The following SHOC1 variants were observed in gnomAD, a reference collection of about 807,000 sequenced individuals.
The protein encoded by SHOC1 is shortage in chiasmata 1.
SHOC1 carries 136 observed loss-of-function variants against 179.2 expected under a neutral mutation model. The ratio of observed to expected loss-of-function variants is 0.76; its 90% CI spans 0.66 to 0.87. The LOEUF (loss-of-function observed/expected upper bound fraction) is 0.87. Ranked by LOEUF, SHOC1 falls within the 40% of genes least tolerant of loss-of-function variation. SHOC1 has a pLI of 0.00. For missense variants in SHOC1, 1,538 were observed against 1,700.8 expected, an observed-to-expected ratio of 0.90 and a Z score of 1.68; for synonymous variants, 489 against 586.6, an observed-to-expected ratio of 0.83 and a Z score of 2.41.
intron 13 of SHOC1, among the ~76,000 whole-genome samples, chr9:111,725,954 G>T (rs376782467): frequency 6.6e-6 from 1 of 152,052 alleles, no homozygotes; most frequent in East Asian, 1.9e-4. Context: ...GCAACCAGAA[G>T]ATGTCAGTGT....
At chr9:111,793,455 A>G (rs918772919) in intron 1 of SHOC1, among the ~76,000 whole-genome samples, 13 of 152,182 alleles carry the variant, frequency 8.5e-5, no homozygotes, top group African/African-American at 2.9e-4. Context: ...CTAAATATGT[A>G]CTACTTAATA....
intron 24 of SHOC1, among the ~76,000 whole-genome samples, chr9:111,697,259 G>A (rs959497997): frequency 6.6e-6 from 1 of 150,672 alleles, no homozygotes; most frequent in Non-Finnish European, 1.5e-5. Flanking sequence ...TGTTATATAT[G>A]TATACATGTG....
intron 8 of SHOC1, among the ~76,000 whole-genome samples, chr9:111,749,786 G>C (rs1834487245): frequency 6.6e-6 from 1 of 152,094 alleles, no homozygotes; most frequent in South Asian, 2.1e-4. Context: ...TTGGCTTTCT[G>C]TTCCTGCATT....
chr9:111,710,930 A>G (rs1832515975), intron 18 of SHOC1, among the ~76,000 whole-genome samples: 1 of 152,158 alleles, frequency 6.6e-6, no homozygotes, highest in South Asian at 2.1e-4. Context: ...CAGCTTATAG[A>G]GGGAAGAGAA....
At chr9:111,730,266 T>A (rs1833505455) in intron 12 of SHOC1, among the ~76,000 whole-genome samples, 2 of 152,178 alleles carry the variant, frequency 1.3e-5, no homozygotes, top group Non-Finnish European at 2.9e-5. Context: ...TTTGGCCTCC[T>A]CCCAAGAATA....
Position 111,691,762 on chromosome 9 carries a change from A to C in SHOC1, c.4215T>G (p.Ser1405=), listed in dbSNP as rs1415903247. 3 of 1,614,036 alleles carry C rather than the reference A, an allele frequency of 1.9e-6. No homozygotes were observed. Among genetic ancestry groups the C allele is most frequent in the Non-Finnish European group, 1.7e-6 (2 of 1,179,968 alleles). Residue 1405 remains serine (S), a synonymous_variant, in exon 27 of 28, where the codon TCT becomes TCG. Coordinates refer to ENST00000682961, the MANE Select transcript of SHOC1 (RefSeq NM_001378211.1). ...TTGAACTTTCACATGTGAGGCCTTC[A>C]GACTCATCTGATAGACATTTTTGCT... ...TDQQKCLSDE[S]EGLTCESSKD...
Position 111,775,950 on chromosome 9 carries a change from G to T in SHOC1, c.283C>A (p.Gln95Lys), listed in dbSNP as rs1242938533. 1 of 1,612,542 alleles carries T rather than the reference G, an allele frequency of 6.2e-7. No homozygotes were observed. Among genetic ancestry groups the T allele is most frequent in the South Asian group, 1.1e-5 (1 of 90,680 alleles). Residue 95 changes from glutamine to lysine, a missense_variant, in exon 5 of 28, where the codon CAG becomes AAG. Transcript: ENST00000682961. The part of the protein sequence containing the change: ...EKKTITRMVT[Q>K]INCEFEEVVP... ...ACTTCCTCAAATTCACAATTAATCT[G>T]GGTCACCATTCTTGTAATTGTTTTT...
intron 23 of SHOC1, among the ~76,000 whole-genome samples, chr9:111,700,555 T>C (rs1831921724): frequency 6.6e-6 from 1 of 151,060 alleles, no homozygotes; most frequent in African/African-American, 2.5e-5. Context: ...ACCCACTTTA[T>C]GTACCCTAAG....
At position 111,758,151 on chromosome 9, in the gene SHOC1, T is replaced by G; in HGVS notation, c.641A>C (p.Glu214Ala). ...LQETLEAFVK[E>A]DFCMDKVNFC... The stretch of plus-strand genomic sequence containing the variant: ...GTTCACTTTATCCATACAAAAATCT[T>G]CTTTCACAAAAGCTTCCAAAGTTTC... The change falls in exon 7 of 28, where the codon GAA becomes GCA. Residue 214 changes from glutamate (E) to alanine (A), a missense_variant. Coordinates refer to ENST00000682961, the MANE Select transcript of SHOC1 (RefSeq NM_001378211.1). The G allele has an allele frequency of 6.3e-7, 1 of 1,589,406 alleles. No individual in the cohort carries two copies. Among genetic ancestry groups the G allele is most frequent in the Non-Finnish European group, 8.6e-7 (1 of 1,167,256 alleles).
chr9:111,692,652 T>C, intron 26 of SHOC1, 141 bp from the exon 27 acceptor site: 1 of 503,438 alleles, frequency 2.0e-6, no homozygotes, highest in Non-Finnish European at 3.4e-6. Flanking sequence ...GAACATGAAA[T>C]CATTAGGCTC....
At chr9:111,721,972 GTATTTTA>G (rs1348382869) in intron 15 of SHOC1, among the ~76,000 whole-genome samples, 1 of 152,106 alleles carries the variant, frequency 6.6e-6, no homozygotes, top group Non-Finnish European at 1.5e-5. Context: ...CTGGTTTAAT[GTATTTTA>G]TCTTTGTCTT....
chr9:111,709,510 T>G (rs1832433796), intron 18 of SHOC1, among the ~76,000 whole-genome samples: 1 of 152,180 alleles, frequency 6.6e-6, no homozygotes, highest in Admixed American at 6.5e-5. Context: ...ATAAAAGCCT[T>G]GCTTCCAGAA....
intron 3 of SHOC1, among the ~76,000 whole-genome samples, chr9:111,782,964 A>G (rs1235424579): frequency 6.6e-6 from 1 of 152,180 alleles, no homozygotes; most frequent in African/African-American, 2.4e-5. Flanking sequence ...GGGAAGAATT[A>G]TTTTAGTTCC....
chr9:111,768,807 AG>A (rs1420065153), intron 5 of SHOC1, among the ~76,000 whole-genome samples: 1 of 152,226 alleles, frequency 6.6e-6, no homozygotes, highest in Non-Finnish European at 1.5e-5. Context: ...GTTGAATAAA[AG>A]TGCTGAAAAT....
intron 27 of SHOC1, among the ~76,000 whole-genome samples, chr9:111,688,040 G>C (rs1564098077): frequency 6.6e-6 from 1 of 152,118 alleles, no homozygotes; most frequent in African/African-American, 2.4e-5. Flanking sequence ...AATGACGACA[G>C]GACCTTGGTT....
chr9:111,769,975 G>GTTTGTT lies in SHOC1; in HGVS notation c.442+5815_442+5816insAACAAA, dbSNP rs1564161086. 2.6e-4 allele frequency among the ~76,000 whole-genome samples: 23 copies of GTTTGTT among 87,768 alleles called. 2 individuals are homozygous for GTTTGTT. The highest frequency in any genetic ancestry group is 6.5e-4 in the Admixed American group (6 of 9,228). The allele number at this position is 87,768 out of a possible 152,430, so 57.6% of individuals were successfully genotyped here. A position where few individuals can be genotyped will look rare whatever the true frequency, so the allele number is the denominator to read the frequency against. On this transcript the variant is annotated intron_variant, in intron 5 of 27. Coordinates refer to ENST00000682961, the MANE Select transcript of SHOC1 (RefSeq NM_001378211.1). ...AATCTAGCGAAAGGTTTTATCTTCT[G>GTTTGTT]TTTTTTTTTTGTTTTTTTTTTTTTT...
chr9:111,732,165 G>A (rs1833602299), intron 12 of SHOC1, among the ~76,000 whole-genome samples: 1 of 152,170 alleles, frequency 6.6e-6, no homozygotes, highest in Admixed American at 6.6e-5. Flanking sequence ...CAAGGATATG[G>A]GGTAACTGGA....
intron 19 of SHOC1, among the ~76,000 whole-genome samples, chr9:111,707,017 C>G (rs1832309950): frequency 1.3e-5 from 2 of 151,942 alleles, no homozygotes; most frequent in South Asian, 4.2e-4. Flanking sequence ...GATTTTATTA[C>G]CTGAGTACTA....
At chr9:111,732,961 G>C (rs1833652282) in intron 12 of SHOC1, among the ~76,000 whole-genome samples, 1 of 152,204 alleles carries the variant, frequency 6.6e-6, no homozygotes, top group Non-Finnish European at 1.5e-5. Flanking sequence ...TGATGTATCA[G>C]TGACAAAAGA....
Sources: allele counts gnomAD v4.1 joint callset (sites outside exome capture counted in the v4.1 genomes callset), GRCh38; gene constraint gnomAD v4.1.1; transcripts MANE v1.5; gene names NCBI Gene and HGNC (gene_info 2026-07-23, HGNC 2026-07-21).